The following SYCP1 variants were observed in gnomAD, a reference collection of about 807,000 sequenced individuals.
SYCP1 encodes the protein synaptonemal complex protein 1, also known as cancer/testis antigen 8.
Under a neutral mutation model 153.1 loss-of-function variants are expected in SYCP1, and 64 were observed. The observed-to-expected ratio is 0.42, with a 90% CI of 0.34 to 0.51. SYCP1 has a LOEUF of 0.51. Among genes scored for constraint, SYCP1 ranks in the 20% least tolerant of loss-of-function variants. The pLI is 0.06. For missense variants in SYCP1, 997 were observed against 1,049.0 expected (o/e 0.95, Z 0.68); for synonymous variants, 384 against 341.8 (o/e 1.12, Z -1.36).
rs753266499 is a variant in SYCP1, at chr1:114,886,194, A to C, written c.1075A>C (p.Lys359Gln). ...AACAATTTGTCAGCTAACTGAAGAA[A>C]AAGAAACTCAAATGGAAGAATCTAA... Reference protein sequence around the residue: ...TKTICQLTEEKETQMEESNKA... With the variant: ...TKTICQLTEEQETQMEESNKA... The change falls in exon 14 of 32, where the codon AAA becomes CAA. Residue 359 changes from lysine to glutamine, a missense_variant. Physicochemically the swap from Lys to Gln is moderately conservative, Grantham distance 53. Coordinates refer to ENST00000369522, the MANE Select transcript of SYCP1 (RefSeq NM_003176.4). The C allele has an allele frequency of 6.2e-7, 1 of 1,612,158 alleles. No homozygotes were observed. Among genetic ancestry groups the C allele is most frequent in the Non-Finnish European group, 8.5e-7 (1 of 1,179,232 alleles).
chr1:114,994,975 G>T lies in SYCP1; in HGVS notation c.2887G>T (p.Asp963Tyr), dbSNP rs1464927088. ...CCGTTGGGCTGTAATTGCTAAAATG[G>T]ATAGAAAAAAAAAACTAAAAGAAGC... ...EDRWAVIAKMDRKKKLKEAEK... is the reference protein window; with the variant it reads ...EDRWAVIAKMYRKKKLKEAEK... Residue 963 changes from aspartate to tyrosine, a missense_variant, in exon 32 of 32, where the codon GAT (aspartate) becomes TAT (tyrosine). Coordinates refer to ENST00000369522, the MANE Select transcript of SYCP1 (RefSeq NM_003176.4). The T allele has an allele frequency of 1.2e-6, 2 of 1,603,900 alleles. No individual in the cohort carries two copies.
At chr1:114,948,232 A>AT (rs978674852) in intron 27 of SYCP1, among the ~76,000 whole-genome samples, 45 of 151,840 alleles carry the variant, frequency 3.0e-4, no homozygotes, top group African/African-American at 9.2e-4. Context: ...GACAAATACT[A>AT]TTTTTTTTGG....
chr1:114,976,794 G>C (rs766456222), intron 27 of SYCP1, among the ~76,000 whole-genome samples: 2 of 151,724 alleles, frequency 1.3e-5, no homozygotes, highest in African/African-American at 2.4e-5. Flanking sequence ...CTGTGATTAG[G>C]AGCAATGCTA....
chr1:114,944,808 T>C, intron 24 of SYCP1, 64 bp from the exon 25 acceptor site: 2 of 1,180,272 alleles, frequency 1.7e-6, no homozygotes, highest in Non-Finnish European at 2.4e-6. Context: ...ACATATACTT[T>C]TTACACTTGT....
Position 114,894,700 on chromosome 1 carries a change from G to A in SYCP1, c.1259-748G>A, listed in dbSNP as rs575350939. Among the ~76,000 whole-genome samples, 10 of 152,172 alleles carry A rather than the reference G, an allele frequency of 6.6e-5. No homozygotes were observed. In the East Asian group the frequency reaches 1.9e-3, roughly 29 times the overall value. On this transcript the variant is annotated intron_variant, in intron 15 of 31. Coordinates refer to ENST00000369522, the MANE Select transcript of SYCP1 (RefSeq NM_003176.4). ...ATCAAAGAGGAAAAAATGGGGAGAA[G>A]TTAATAGTATCAAATAGTACAAACC... is the stretch of plus-strand genomic sequence containing the variant.
chr1:114,876,712 C>G (rs1365620985), intron 10 of SYCP1, 25 bp from the exon 11 acceptor site: 2 of 1,145,616 alleles, frequency 1.7e-6, no homozygotes, highest in African/African-American at 1.6e-5. Context: ...TATGACATTA[C>G]AGTATATTTG....
chr1:114,990,246 T>C (rs186725108), intron 30 of SYCP1, among the ~76,000 whole-genome samples: 1 of 151,974 alleles, frequency 6.6e-6, no homozygotes, highest in Non-Finnish European at 1.5e-5. Context: ...AGCCAATCAG[T>C]GGGTCAAAGA....
intron 27 of SYCP1, among the ~76,000 whole-genome samples, chr1:114,951,025 T>C (rs920801943): frequency 1.3e-5 from 2 of 151,980 alleles, no homozygotes. Flanking sequence ...GGGGTTTCAC[T>C]GTGTTAGCCA....
At chr1:114,856,484 C>T in intron 2 of SYCP1, 89 bp from the exon 3 acceptor site, 1 of 777,560 alleles carries the variant, frequency 1.3e-6, no homozygotes, top group Non-Finnish European at 1.9e-6. Context: ...CCTTTTTAAG[C>T]AGATGTATAT....
chr1:114,993,815 C>G (rs1674087652), intron 30 of SYCP1, among the ~76,000 whole-genome samples: 1 of 151,194 alleles, frequency 6.6e-6, no homozygotes. Context: ...TAACCATCAC[C>G]ACCATCCAGC....
chr1:114,981,809 C>T (rs1673176000), intron 29 of SYCP1, among the ~76,000 whole-genome samples: 1 of 151,946 alleles, frequency 6.6e-6, no homozygotes. Flanking sequence ...TTTTCGATCA[C>T]TGTCCACAAC....
chr1:114,883,375 G>C (rs565781124), intron 12 of SYCP1, among the ~76,000 whole-genome samples: 1 of 152,096 alleles, frequency 6.6e-6, no homozygotes, highest in African/African-American at 2.4e-5. Flanking sequence ...GTAGATCTAA[G>C]TTGGCCTTTT....
chr1:114,930,760 A>T (rs1327927125), intron 23 of SYCP1, among the ~76,000 whole-genome samples: 1 of 151,988 alleles, frequency 6.6e-6, no homozygotes. Flanking sequence ...CCAAATCCTA[A>T]CAAAGACATT....
At chr1:114,965,513 T>C (rs559496740) in intron 27 of SYCP1, among the ~76,000 whole-genome samples, 13 of 152,312 alleles carry the variant, frequency 8.5e-5, no homozygotes, top group Admixed American at 7.8e-4. Flanking sequence ...TTAGCTCTTA[T>C]TATTTTGAGA....
At chr1:114,909,866 CT>C (rs1668067572) in intron 16 of SYCP1, among the ~76,000 whole-genome samples, 1 of 152,122 alleles carries the variant, frequency 6.6e-6, no homozygotes, top group Admixed American at 6.6e-5. Flanking sequence ...TCATTACTGG[CT>C]TTCTTGTTTT....
chr1:114,857,144 AAAAAAAAAAAAAAGAG>A, intron 3 of SYCP1, 72 bp from the exon 4 acceptor site: 1 of 835,132 alleles, frequency 1.2e-6, no homozygotes, highest in Non-Finnish European at 1.7e-6. Context: ...CTCAAAAAAA[AAAAAAAAAAAAAAGAG>A]AAAAAAGAAA....
At chr1:114,944,504 TTTTTA>T in intron 24 of SYCP1, 49 bp downstream of exon 24, 1 of 1,079,334 alleles carries the variant, frequency 9.3e-7, no homozygotes, top group Non-Finnish European at 1.3e-6. Context: ...AAAATCTATA[TTTTTA>T]TTAGGATTTT....
intron 23 of SYCP1, among the ~76,000 whole-genome samples, chr1:114,938,082 A>G (rs1301296583): frequency 6.6e-6 from 1 of 152,328 alleles, no homozygotes; most frequent in East Asian, 1.9e-4. Flanking sequence ...ATGCTGCTAT[A>G]AAGGCACATG....
Position 114,878,197 on chromosome 1 carries a change from A to G in SYCP1, c.905A>G (p.Lys302Arg). 6.6e-7 allele frequency: 1 copy of G among 1,517,484 alleles called. No individual in the cohort carries two copies. The highest frequency in any genetic ancestry group is 9.1e-7 in the Non-Finnish European group (1 of 1,102,932). The allele number at this position is 1,517,484 out of a possible 1,614,324, so 94.0% of individuals were successfully genotyped here. Residue 302 changes from lysine (K) to arginine (R), a missense_variant, in exon 12 of 32, where the codon AAG (lysine) becomes AGG (arginine). Coordinates refer to ENST00000369522, the MANE Select transcript of SYCP1 (RefSeq NM_003176.4). Reference protein sequence around the residue: ...SRDKVNQLEEKTKLQSENLKQ... With the variant: ...SRDKVNQLEERTKLQSENLKQ... ...GATAAAGTTAATCAATTAGAGGAAA[A>G]GACAAGTAAGAGTTTATATAAGATA...
Sources: allele counts gnomAD v4.1 joint callset (sites outside exome capture counted in the v4.1 genomes callset), GRCh38; gene constraint gnomAD v4.1.1; transcripts MANE v1.5; gene names NCBI Gene and HGNC (gene_info 2026-07-23, HGNC 2026-07-21).